Variants in PPARGC1B observed in about 807,000 individuals in gnomAD.
The protein encoded by PPARGC1B is peroxisome proliferator-activated receptor gamma coactivator 1-beta.
In PPARGC1B, 34 loss-of-function variants were observed where a neutral mutation model predicts 101.6. The observed-to-expected ratio is 0.33, with a 90% CI of 0.25 to 0.45. The LOEUF (loss-of-function observed/expected upper bound fraction) is 0.45, where lower values mean the gene tolerates loss of function less well. Ranked by LOEUF, PPARGC1B falls within the 20% of genes least tolerant of loss-of-function variation. The pLI is 1.00. For synonymous variants in PPARGC1B, 548 were observed against 539.3 expected, an observed-to-expected ratio of 1.02 and a Z score of -0.22; for missense variants, 1,234 against 1,317.6, an observed-to-expected ratio of 0.94 and a Z score of 0.98.
intron 1 of PPARGC1B, among the ~76,000 whole-genome samples, chr5:149,733,329 A>G (rs1754573717): frequency 6.6e-6 from 1 of 152,204 alleles, no homozygotes; most frequent in Non-Finnish European, 1.5e-5. Flanking sequence ...CATGGATCCC[A>G]AAGGACTGTG....
intron 1 of PPARGC1B, among the ~76,000 whole-genome samples, chr5:149,771,450 C>T (rs1254285411): frequency 1.3e-5 from 2 of 152,196 alleles, no homozygotes; most frequent in African/African-American, 2.4e-5. Flanking sequence ...CAGAGTGATG[C>T]CCCTGAAGGG....
At position 149,823,310 on chromosome 5, in the gene PPARGC1B, C is replaced by T. The variant is rs138662736; in HGVS notation, c.252+2704C>T. Among the ~76,000 whole-genome samples the T allele has an allele frequency of 4.3e-3, 652 of 152,216 alleles. 4 individuals are homozygous for T. Among genetic ancestry groups the T allele is most frequent in the Middle Eastern group, 0.01 (3 of 294 alleles). ...AGAGTCACTGAGTCTGGACCTACTC[C>T]CAGAAAAATAGGAGAGGGAGTGGCC... On this transcript the variant is annotated intron_variant, in intron 2 of 11. Transcript: ENST00000309241.
At chr5:149,750,819 G>A (rs1755272500) in intron 1 of PPARGC1B, among the ~76,000 whole-genome samples, 1 of 152,236 alleles carries the variant, frequency 6.6e-6, no homozygotes, top group Non-Finnish European at 1.5e-5. Flanking sequence ...CCATGGGACT[G>A]ACCGGCAGGT....
At chr5:149,774,144 A>G (rs1268607657) in intron 1 of PPARGC1B, among the ~76,000 whole-genome samples, 1 of 152,158 alleles carries the variant, frequency 6.6e-6, no homozygotes. Flanking sequence ...CCATGGTGAC[A>G]TGGGCATCAG....
At chr5:149,808,687 C>T (rs551486091) in intron 1 of PPARGC1B, among the ~76,000 whole-genome samples, 70 of 152,270 alleles carry the variant, frequency 4.6e-4, no homozygotes, top group African/African-American at 1.5e-3. Context: ...GCACATGTTG[C>T]GCTCTCTTGT....
In PPARGC1B at chr5:149,852,702, A is replaced by C. The variant is rs1759809535; in HGVS notation, c.*5144A>C. 6.8e-6 allele frequency: 1 copy of C among 147,992 alleles called. No individual in the cohort carries two copies. The allele number at this position is 147,992 out of a possible 1,614,324, so 9.2% of individuals were successfully genotyped here. On this transcript the variant is annotated 3_prime_UTR_variant, in exon 12 of 12. Coordinates refer to ENST00000309241, the MANE Select transcript of PPARGC1B (RefSeq NM_133263.4). The stretch of plus-strand genomic sequence containing the variant: ...TCTCTTGTTCTCAGACAATACTAGC[A>C]ATACACTTTTTTTTTTTTTTTTTAA...
At chr5:149,799,690 G>GTTTTTTTTTTTTTTTTTTTTTTTTTTTTT (rs369350284) in intron 1 of PPARGC1B, among the ~76,000 whole-genome samples, 1 of 65,052 alleles carries the variant, frequency 1.5e-5, no homozygotes, top group Non-Finnish European at 3.0e-5. Context: ...TTTGCTTGTT[G>GTTTTTTTTTTTTTTTTTTTTTTTTTTTTT]TTGTTTTTTT....
chr5:149,815,068 C>T (rs1758002706), intron 1 of PPARGC1B, among the ~76,000 whole-genome samples: 2 of 152,356 alleles, frequency 1.3e-5, no homozygotes, highest in South Asian at 4.1e-4. Flanking sequence ...TGTTCCTTCT[C>T]ACTTTCGGAA....
intron 1 of PPARGC1B, among the ~76,000 whole-genome samples, chr5:149,755,718 ACTGCAACCT>A (rs1265625599): frequency 1.3e-5 from 2 of 150,626 alleles, no homozygotes; most frequent in Non-Finnish European, 2.9e-5. Flanking sequence ...ATCTTGGCTC[ACTGCAACCT>A]CTGCCTCCAG....
intron 1 of PPARGC1B, among the ~76,000 whole-genome samples, chr5:149,794,923 G>T (rs1403427223): frequency 6.6e-6 from 1 of 152,196 alleles, no homozygotes; most frequent in Non-Finnish European, 1.5e-5. Context: ...TCCTGTGAGG[G>T]GGCCATTGCC....
At chr5:149,823,083 G>A (rs541415671) in intron 2 of PPARGC1B, among the ~76,000 whole-genome samples, 1 of 152,122 alleles carries the variant, frequency 6.6e-6, no homozygotes, top group Non-Finnish European at 1.5e-5. Flanking sequence ...TCCATTTCTG[G>A]GACTCTTGTC....
chr5:149,810,962 G>A (rs1454555065), intron 1 of PPARGC1B, among the ~76,000 whole-genome samples: 2 of 152,206 alleles, frequency 1.3e-5, no homozygotes, highest in African/African-American at 2.4e-5. Flanking sequence ...CAGAGCCTGT[G>A]TGCAGTAGTC....
At chr5:149,820,676 C>A (rs746947769) in intron 2 of PPARGC1B, 70 bp downstream of exon 2, 1 of 1,438,048 alleles carries the variant, frequency 7.0e-7, no homozygotes, top group East Asian at 2.3e-5. Context: ...CCGGCTCTGC[C>A]CTGCTCTGCC....
At chr5:149,834,758 T>A (rs1318143374) in intron 6 of PPARGC1B, 48 bp downstream of exon 6, 1 of 1,551,600 alleles carries the variant, frequency 6.4e-7, no homozygotes, top group South Asian at 1.1e-5. Flanking sequence ...GATTTTGTCT[T>A]GTTGGATGTG....
At chr5:149,799,687 G>GTTTTTTTTTTTTTTTTT (rs1561553708) in intron 1 of PPARGC1B, among the ~76,000 whole-genome samples, 1 of 85,436 alleles carries the variant, frequency 1.2e-5, no homozygotes, top group African/African-American at 4.2e-5. Flanking sequence ...TTGTTTGCTT[G>GTTTTTTTTTTTTTTTTT]TTGTTGTTTT....
chr5:149,806,340 C>G (rs1434039796), intron 1 of PPARGC1B, among the ~76,000 whole-genome samples: 1 of 152,206 alleles, frequency 6.6e-6, no homozygotes, highest in African/African-American at 2.4e-5. Flanking sequence ...CCCTGTTGAG[C>G]ATGACATTTC....
At position 149,832,304 on chromosome 5, in the gene PPARGC1B, C is replaced by T. The variant is rs1400264145; in HGVS notation, c.583-352C>T. The stretch of plus-strand genomic sequence containing the variant: ...GCTCATTTGTAGCAAGTCCTTCCTA[C>T]GCCCAGCTCCAGGCTACCATGAACC... On this transcript the variant is annotated intron_variant, in intron 4 of 11. Coordinates refer to ENST00000309241, the MANE Select transcript of PPARGC1B (RefSeq NM_133263.4). The surrounding 1 kb of genome is among the most constrained non-coding windows in gnomAD (Gnocchi z 4.9). 1.3e-5 allele frequency among the ~76,000 whole-genome samples: 2 copies of T among 152,192 alleles called. No homozygotes were observed. Among genetic ancestry groups the T allele is most frequent in the Non-Finnish European group, 1.5e-5 (1 of 68,044 alleles).
intron 1 of PPARGC1B, among the ~76,000 whole-genome samples, chr5:149,820,040 A>G (rs961777777): frequency 1.3e-5 from 2 of 152,166 alleles, no homozygotes; most frequent in African/African-American, 4.8e-5. Context: ...TTTTTGTTTC[A>G]TTATTAATAT....
chr5:149,789,913 A>G (rs1239842213), intron 1 of PPARGC1B, among the ~76,000 whole-genome samples: 1 of 152,186 alleles, frequency 6.6e-6, no homozygotes, highest in Non-Finnish European at 1.5e-5. Context: ...TCAGGGCTTG[A>G]TGACACTTTT....
Sources: allele counts gnomAD v4.1 joint callset (sites outside exome capture counted in the v4.1 genomes callset), GRCh38; gene constraint gnomAD v4.1.1; non-coding constraint Gnocchi (gnomAD v3.1); transcripts MANE v1.5; gene names NCBI Gene and HGNC (gene_info 2026-07-23, HGNC 2026-07-21).